LDLRAD4: variants seen among roughly 807,000 people sequenced by gnomAD.
LDLRAD4 encodes the protein low density lipoprotein receptor class A domain containing 4.
A neutral mutation model predicts 17.0 loss-of-function variants in LDLRAD4; 5 were observed. That is an observed-to-expected ratio of 0.29 (90% CI 0.15 to 0.62). LDLRAD4 has a LOEUF of 0.62. Ranked by LOEUF, LDLRAD4 falls within the 20% of genes least tolerant of loss-of-function variation. The pLI is 0.84. For synonymous variants in LDLRAD4, 168 were observed against 171.8 expected (o/e 0.98, Z 0.17); for missense variants, 340 against 424.7 (o/e 0.80, Z 1.75).
chr18:13,410,495 T>G (rs1188036051), intron 2 of LDLRAD4, among the ~76,000 whole-genome samples: 1 of 152,184 alleles, frequency 6.6e-6, no homozygotes, highest in Non-Finnish European at 1.5e-5. Context: ...AAGTAAGAAG[T>G]TTACAGAAAC....
chr18:13,591,877 T>A (rs1035216878), intron 3 of LDLRAD4, among the ~76,000 whole-genome samples: 4 of 152,200 alleles, frequency 2.6e-5, no homozygotes, highest in Non-Finnish European at 5.9e-5. Flanking sequence ...TATAACATCG[T>A]TAGGGCATTT....
At chr18:13,431,715 C>T (rs59391924) in intron 2 of LDLRAD4, among the ~76,000 whole-genome samples, 21,015 of 152,122 alleles carry the variant, frequency 0.14, 2,899 homozygotes, top group East Asian at 0.36. Flanking sequence ...CTCTCTTTGA[C>T]GGGAGGCTCT....
At chr18:13,394,613 G>C (rs1303941256) in intron 2 of LDLRAD4, among the ~76,000 whole-genome samples, 1 of 152,226 alleles carries the variant, frequency 6.6e-6, no homozygotes, top group East Asian at 1.9e-4. Flanking sequence ...TTTATGCTCA[G>C]AGCATCCTGC....
intron 3 of LDLRAD4, among the ~76,000 whole-genome samples, chr18:13,534,173 T>C (rs1005844195): frequency 6.6e-6 from 1 of 152,250 alleles, no homozygotes; most frequent in African/African-American, 2.4e-5. Flanking sequence ...GCAGTGCCTA[T>C]CTGCACTTCC....
rs191692183 is a variant in LDLRAD4, at chr18:13,247,928, C to G, written c.-467+28940C>G. Among the ~76,000 whole-genome samples the G allele has an allele frequency of 3.2e-4, 48 of 150,042 alleles. No individual in the cohort carries two copies. The East Asian group carries it at 7.1e-3, about 22-fold the overall frequency. On this transcript the variant is annotated intron_variant, in intron 1 of 5. Coordinates refer to the LDLRAD4 transcript ENST00000399848. ...CAGTGTGACCCAGTGGTTCAGAAAACCTGTCCAACTGCACACAGCGCCGCC... is the reference window on the plus strand; with the variant it reads ...CAGTGTGACCCAGTGGTTCAGAAAAGCTGTCCAACTGCACACAGCGCCGCC...
At chr18:13,442,673 G>T (rs906891044) in intron 3 of LDLRAD4, among the ~76,000 whole-genome samples, 1 of 152,224 alleles carries the variant, frequency 6.6e-6, no homozygotes, top group Non-Finnish European at 1.5e-5. Context: ...CATTGTTCCT[G>T]CCCAGCCAAG....
intron 3 of LDLRAD4, chr18:13,515,175 G>A (rs937236163): frequency 2.0e-5 from 3 of 152,206 alleles, no homozygotes; most frequent in Admixed American, 6.5e-5. Context: ...TTCGTCTCCC[G>A]AATAGGCCTT....
rs1049402620 is a variant in LDLRAD4 at position 13,305,790 on chromosome 18, A to C, written c.-383+27602A>C. 1.1e-4 allele frequency among the ~76,000 whole-genome samples: 17 copies of C among 152,264 alleles called. No homozygotes were observed. The East Asian group carries it at 3.3e-3, about 29-fold the overall frequency. On this transcript the variant is annotated intron_variant, in intron 1 of 5. Transcript: ENST00000359446. ...GCCGTCACTGCAGCTATATGCCAACAGGCACAAAAACTTTGCACTTTTTGC... is the reference window on the plus strand; with the variant it reads ...GCCGTCACTGCAGCTATATGCCAACCGGCACAAAAACTTTGCACTTTTTGC...
intron 4 of LDLRAD4, chr18:13,642,670 G>T: frequency 8.1e-7 from 1 of 1,231,494 alleles, no homozygotes; most frequent in African/African-American, 1.5e-5. Context: ...GGCCACCTCT[G>T]CCAGGGCTTC....
intron 3 of LDLRAD4, among the ~76,000 whole-genome samples, chr18:13,524,921 C>T (rs962381107): frequency 6.6e-6 from 1 of 152,236 alleles, no homozygotes; most frequent in Non-Finnish European, 1.5e-5. Context: ...CTCTCCATCT[C>T]GCCCCAGTTC....
intron 1 of LDLRAD4, among the ~76,000 whole-genome samples, chr18:13,278,946 C>A (rs2045070401): frequency 6.6e-6 from 1 of 152,224 alleles, no homozygotes; most frequent in Non-Finnish European, 1.5e-5. Context: ...AGAGGAGGCA[C>A]CTGGAGAATC....
chr18:13,567,833 C>T lies in LDLRAD4; in HGVS notation c.182-53284C>T, dbSNP rs374854170. On this transcript the variant is annotated intron_variant, in intron 3 of 5. Coordinates refer to ENST00000359446, the Ensembl canonical transcript of LDLRAD4. ...ATGGTGTCATCATTTAAACTCTACC[C>T]TATAAACTCTAGTTTGGACATGTCT... 3.3e-5 allele frequency among the ~76,000 whole-genome samples: 5 copies of T among 151,910 alleles called. No homozygotes were observed. In the South Asian group the frequency reaches 6.2e-4, roughly 19 times the overall value.
chr18:13,447,593 C>A (rs182340947), intron 3 of LDLRAD4, among the ~76,000 whole-genome samples: 1 of 152,084 alleles, frequency 6.6e-6, no homozygotes, highest in Non-Finnish European at 1.5e-5. Context: ...TTCATGTGTG[C>A]GGGGCTGTCC....
Position 13,255,666 on chromosome 18 carries a change from G to A in LDLRAD4, c.-466-22439G>A, listed in dbSNP as rs118164406. 2.8e-3 allele frequency among the ~76,000 whole-genome samples: 430 copies of A among 152,308 alleles called. 2 individuals are homozygous for A. Among genetic ancestry groups the A allele is most frequent in the Non-Finnish European group, 4.5e-3 (309 of 68,018 alleles). ...TCAGGGTCTCTGGGGAATAGATCACGGTGGAGGCCCAAGGGAGAGGCAGGG... is the reference window on the plus strand; with the variant it reads ...TCAGGGTCTCTGGGGAATAGATCACAGTGGAGGCCCAAGGGAGAGGCAGGG... On this transcript the variant is annotated intron_variant, in intron 1 of 5. Transcript: ENST00000399848.
chr18:13,624,149 G>A (rs1034196167), intron 4 of LDLRAD4, among the ~76,000 whole-genome samples: 1 of 152,104 alleles, frequency 6.6e-6, no homozygotes, highest in Non-Finnish European at 1.5e-5. Context: ...AGGCGGAGGA[G>A]CCGGCCCCAC....
chr18:13,279,532 T>C (rs1007844024), intron 1 of LDLRAD4: 4 of 152,222 alleles, frequency 2.6e-5, no homozygotes, highest in Admixed American at 2.0e-4. Context: ...CACTGGACTA[T>C]GCCCCCGAAG....
chr18:13,254,299 G>A (rs1045803070), intron 1 of LDLRAD4, among the ~76,000 whole-genome samples: 1 of 152,226 alleles, frequency 6.6e-6, no homozygotes, highest in Non-Finnish European at 1.5e-5. Flanking sequence ...TGGACTCAGG[G>A]TTTTCTTTTC....
intron 3 of LDLRAD4, among the ~76,000 whole-genome samples, chr18:13,518,490 C>T (rs919429087): frequency 3.3e-5 from 5 of 152,206 alleles, no homozygotes; most frequent in South Asian, 2.1e-4. Flanking sequence ...CTTAATTTTA[C>T]CCACTCTATC....
At chr18:13,318,355 G>A (rs531584006) in intron 1 of LDLRAD4, among the ~76,000 whole-genome samples, 1 of 152,080 alleles carries the variant, frequency 6.6e-6, no homozygotes, top group African/African-American at 2.4e-5. Context: ...TCCGCCTCCC[G>A]AGTTCAAGCG....
Sources: gnomAD v4.1 joint callset for allele counts (sites outside exome capture counted in the v4.1 genomes callset) on GRCh38, gnomAD v4.1.1 for gene constraint, MANE v1.5 for transcripts, NCBI Gene and HGNC (gene_info 2026-07-23, HGNC 2026-07-21) for gene names.